The following GLT1D1 variants were observed in gnomAD, a reference collection of about 807,000 sequenced individuals.
GLT1D1 encodes glycosyltransferase 1 domain containing 1.
GLT1D1 carries 21 observed loss-of-function variants against 28.7 expected under a neutral mutation model. The observed-to-expected ratio is 0.73, with a 90% CI of 0.52 to 1.05. The LOEUF (loss-of-function observed/expected upper bound fraction) is 1.05, where lower values mean the gene tolerates loss of function less well. Ranked by LOEUF, GLT1D1 falls within the 50% of genes least tolerant of loss-of-function variation. GLT1D1 has a pLI of 0.00. For synonymous variants in GLT1D1, 147 were observed against 124.8 expected, an observed-to-expected ratio of 1.18 and a Z score of -1.19; for missense variants, 343 against 330.6, an observed-to-expected ratio of 1.04 and a Z score of -0.29.
At chr12:128,954,107 G>GT (rs528766418) in intron 6 of GLT1D1, among the ~76,000 whole-genome samples, 294 of 147,982 alleles carry the variant, frequency 2.0e-3, no homozygotes, top group South Asian at 4.1e-3. Context: ...AAGGTCACCT[G>GT]TTTTTTTTTG....
chr12:128,934,847 CATT>C, intron 4 of GLT1D1, among the ~76,000 whole-genome samples: 1 of 152,166 alleles, frequency 6.6e-6, no homozygotes, highest in South Asian at 2.1e-4. Context: ...CAGTCTCTGT[CATT>C]CTCTTCAAGG....
intron 3 of GLT1D1, among the ~76,000 whole-genome samples, chr12:128,897,234 C>G (rs1869753416): frequency 6.6e-6 from 1 of 151,992 alleles, no homozygotes; most frequent in South Asian, 2.1e-4. Context: ...CCCTTTTTGC[C>G]CCTTGGGATG....
rs139854966 is a variant in GLT1D1, at chr12:128,862,052, G to T, written c.68+8403G>T. ...CGTCCAAAGATAGCCATTGAGGCCAGCCGCGGTGGCTCACGCCTTTGATCC... is the reference window on the plus strand; with the variant it reads ...CGTCCAAAGATAGCCATTGAGGCCATCCGCGGTGGCTCACGCCTTTGATCC... On this transcript the variant is annotated intron_variant, in intron 1 of 7. Coordinates refer to ENST00000281703, the MANE Select transcript of GLT1D1 (RefSeq NM_144669.3). 5.4e-4 allele frequency among the ~76,000 whole-genome samples: 83 copies of T among 152,308 alleles called. 1 individual carries two copies. Among genetic ancestry groups the T allele is most frequent in the Admixed American group, 2.6e-3 (40 of 15,298 alleles).
intron 1 of GLT1D1, among the ~76,000 whole-genome samples, chr12:128,859,170 C>T (rs181346319): frequency 9.9e-4 from 151 of 152,316 alleles, no homozygotes; most frequent in African/African-American, 3.5e-3. Context: ...GAATAAATCT[C>T]TTAATATTTT....
chr12:128,945,222 C>T lies in GLT1D1; in HGVS notation c.376-104C>T, dbSNP rs960887999. ...ACACCCCCGTGGCCGCAGACCGAGG[C>T]CCACGCCGCGCTGGCACCAGGGCTT... On this transcript the variant is annotated intron_variant, in intron 4 of 7. Transcript: ENST00000281703. 45 of 1,192,686 alleles carry T rather than the reference C, an allele frequency of 3.8e-5. No individual in the cohort carries two copies. In the Middle Eastern group the frequency reaches 7.6e-4, roughly 20 times the overall value. The allele number at this position is 1,192,686 out of a possible 1,614,324, so 73.9% of individuals were successfully genotyped here. A position where few individuals can be genotyped will look rare whatever the true frequency, so the allele number is the denominator to read the frequency against.
chr12:128,864,137 G>A, intron 1 of GLT1D1: 1 of 685,846 alleles, frequency 1.5e-6, no homozygotes, highest in Non-Finnish European at 2.7e-6. Context: ...GGGCAGGAGA[G>A]TCTTAACATG....
chr12:128,975,667 G>T (rs952693475), intron 7 of GLT1D1, among the ~76,000 whole-genome samples: 10 of 152,120 alleles, frequency 6.6e-5, no homozygotes, highest in African/African-American at 2.4e-4. Flanking sequence ...GGCCAGGCTG[G>T]GCTTGAACTC....
chr12:128,924,940 G>C (rs1007792881), intron 4 of GLT1D1, among the ~76,000 whole-genome samples: 2 of 152,144 alleles, frequency 1.3e-5, no homozygotes, highest in African/African-American at 4.8e-5. Flanking sequence ...GGGAAGGGCT[G>C]CAAAGACTGT....
chr12:128,980,721 A>C (rs1229729021), intron 7 of GLT1D1, among the ~76,000 whole-genome samples: 1 of 152,206 alleles, frequency 6.6e-6, no homozygotes, highest in African/African-American at 2.4e-5. Flanking sequence ...GGGCGCATGG[A>C]AGCTATAAGG....
intron 3 of GLT1D1, among the ~76,000 whole-genome samples, chr12:128,889,675 C>T (rs1220650571): frequency 2.6e-5 from 4 of 152,220 alleles, no homozygotes; most frequent in African/African-American, 7.2e-5. Flanking sequence ...GACCAGCCCC[C>T]GCACTGTCCC....
chr12:128,917,500 A>G (rs183621843), intron 4 of GLT1D1, among the ~76,000 whole-genome samples: 2 of 151,880 alleles, frequency 1.3e-5, no homozygotes, highest in East Asian at 3.9e-4. Context: ...CTGGTCTTCA[A>G]CTCCTGAGCT....
At chr12:128,879,368 ATTTT>A (rs1956949036) in intron 2 of GLT1D1, among the ~76,000 whole-genome samples, 1 of 115,942 alleles carries the variant, frequency 8.6e-6, no homozygotes, top group African/African-American at 3.5e-5. Context: ...GATACTTATT[ATTTT>A]TTTCTTTTTC....
intron 4 of GLT1D1, among the ~76,000 whole-genome samples, chr12:128,943,752 G>A (rs1279924777): frequency 1.3e-5 from 2 of 152,142 alleles, no homozygotes; most frequent in Non-Finnish European, 2.9e-5. Context: ...TAGTAGCAGA[G>A]GATTTGTGTC....
At chr12:128,874,117 TCTC>T (rs1566091339) in intron 1 of GLT1D1, among the ~76,000 whole-genome samples, 42 of 68,008 alleles carry the variant, frequency 6.2e-4, no homozygotes, top group African/African-American at 2.4e-3. Flanking sequence ...TCTCTCTCTC[TCTC>T]TCTCTCTTTC....
intron 1 of GLT1D1, among the ~76,000 whole-genome samples, chr12:128,859,154 G>C (rs10847704): frequency 0.11 from 17,338 of 152,160 alleles, 1,086 homozygotes; most frequent in South Asian, 0.21. Context: ...ACTCATATTT[G>C]GCTCAGAATA....
chr12:128,896,477 G>A (rs1299120496), intron 3 of GLT1D1, among the ~76,000 whole-genome samples: 1 of 151,064 alleles, frequency 6.6e-6, no homozygotes, highest in Non-Finnish European at 1.5e-5. Flanking sequence ...ACCATGACTA[G>A]CTTTTTGGTA....
intron 5 of GLT1D1, 51 bp downstream of exon 9, chr12:128,945,420 C>T (rs767734675): frequency 4.9e-6 from 7 of 1,436,874 alleles, no homozygotes; most frequent in Non-Finnish European, 6.9e-6. Flanking sequence ...GCCTGAGTGG[C>T]CCCTGGGTTA....
chr12:128,866,434 G>A (rs528423214), intron 1 of GLT1D1, among the ~76,000 whole-genome samples: 1 of 151,910 alleles, frequency 6.6e-6, no homozygotes, highest in South Asian at 2.1e-4. Flanking sequence ...GAAATATACA[G>A]TATGTTATTA....
At chr12:128,951,949 C>T (rs972665148) in intron 6 of GLT1D1, among the ~76,000 whole-genome samples, 14 of 152,172 alleles carry the variant, frequency 9.2e-5, no homozygotes, top group African/African-American at 2.9e-4. Flanking sequence ...TCCTTGGAGG[C>T]AGGGCCGTGC....
Sources: allele counts gnomAD v4.1 joint callset (sites outside exome capture counted in the v4.1 genomes callset), GRCh38; gene constraint gnomAD v4.1.1; transcripts MANE v1.5; gene names NCBI Gene and HGNC (gene_info 2026-07-23, HGNC 2026-07-21).